Variants in DDR1 observed in about 807,000 individuals in gnomAD.
The protein encoded by DDR1 is epithelial discoidin domain-containing receptor 1.
Under a neutral mutation model 97.4 loss-of-function variants are expected in DDR1, and 64 were observed. The observed-to-expected ratio is 0.66, with a 90% CI of 0.54 to 0.81. The LOEUF (loss-of-function observed/expected upper bound fraction) is 0.81, where lower values mean the gene tolerates loss of function less well. DDR1 is among the 30% of genes least tolerant of loss of function. The probability of loss-of-function intolerance (pLI) is 0.00; values close to 1 mark genes in which losing one functional copy is unlikely to be tolerated. For synonymous variants in DDR1, 458 were observed against 503.7 expected, an observed-to-expected ratio of 0.91 and a Z score of 1.21; for missense variants, 990 against 1,259.6, an observed-to-expected ratio of 0.79 and a Z score of 3.24.
chr6:30,892,974 C>G, intron 8 of DDR1, 94 bp from the exon 9 acceptor site: 1 of 1,110,270 alleles, frequency 9.0e-7, no homozygotes. Context: ...ATCACCCATG[C>G]TTCTGCTCCT....
rs1157260135 is a variant in DDR1 at position 30,899,461 on chromosome 6, T to A, written c.*165T>A. 2.5e-6 allele frequency: 2 copies of A among 798,096 alleles called. No individual in the cohort carries two copies. Among genetic ancestry groups the A allele is most frequent in the Non-Finnish European group, 3.8e-6 (2 of 520,916 alleles). The allele number at this position is 798,096 out of a possible 1,614,324, so 49.4% of individuals were successfully genotyped here. A position where few individuals can be genotyped will look rare whatever the true frequency, so the allele number is the denominator to read the frequency against. ...GGGCTGGGCCCACCCAGGGAGCTGA[T>A]GCCCCTTCTCCCCTTCCTGGACACA... On this transcript the variant is annotated 3_prime_UTR_variant, in exon 18 of 18. Coordinates refer to ENST00000376568, the MANE Select transcript of DDR1 (RefSeq NM_001297654.2).
rs1197872985 is a variant in DDR1, at chr6:30,889,198, T to A, written c.189-4T>A. On this transcript the variant is annotated splice_polypyrimidine_tract_variant and splice_region_variant and intron_variant, in intron 3 of 17. Coordinates refer to ENST00000376568, the MANE Select transcript of DDR1 (RefSeq NM_001297654.2). The surrounding 1 kb of genome is among the most constrained non-coding windows in gnomAD (Gnocchi z 4.9). ...ATGTTCTCTGTGCCCCTCTTCACCCTCAGGTTGGAGAGCAGTGACGGGGAT... is the reference window on the plus strand; with the variant it reads ...ATGTTCTCTGTGCCCCTCTTCACCCACAGGTTGGAGAGCAGTGACGGGGAT... The A allele has an allele frequency of 1.9e-6, 3 of 1,612,946 alleles. No individual in the cohort carries two copies. Among genetic ancestry groups the A allele is most frequent in the Non-Finnish European group, 2.5e-6 (3 of 1,179,956 alleles).
chr6:30,895,542 C>A, intron 12 of DDR1, 28 bp downstream of exon 12: 2 of 1,439,488 alleles, frequency 1.4e-6, no homozygotes, highest in South Asian at 1.2e-5. Flanking sequence ...TGGGCTCCGC[C>A]AGGCTCCCCA....
Position 30,891,532 on chromosome 6 carries a change from TGTGTGTGTGTGTGTGTGTGTGTGTGAGA to T in DDR1, c.665+66_665+93del. The T allele has an allele frequency of 1.3e-6, 1 of 785,296 alleles. No individual in the cohort carries two copies. 48.6% of individuals were successfully genotyped at this position (785,296 alleles called of 1,614,324 possible). On this transcript the variant is annotated intron_variant, in intron 6 of 17. Coordinates refer to ENST00000376568, the MANE Select transcript of DDR1 (RefSeq NM_001297654.2). The surrounding 1 kb of genome is among the most constrained non-coding windows in gnomAD (Gnocchi z 5.3). ...GTTTGGGGTGGGAGGGAGGACTGTG[TGTGTGTGTGTGTGTGTGTGTGTGTGAGA>T]GTGTGTGTGTGTAGGGGGGCTGGTA...
Position 30,890,695 on chromosome 6 carries a change from G to C in DDR1, c.418-278G>C, listed in dbSNP as rs1420884515. On this transcript the variant is annotated intron_variant, in intron 4 of 17. Coordinates refer to ENST00000376568, the MANE Select transcript of DDR1 (RefSeq NM_001297654.2). This position sits in a 1 kb window ranked among gnomAD's most constrained non-coding sequence, Gnocchi z 5.0. ...AGAATCTGGGCACAATGGGATGATA[G>C]GCTTGGAGACAAATGGATGGAGCCA... The C allele has an allele frequency of 2.8e-5, 12 of 433,164 alleles. No individual in the cohort carries two copies. Among genetic ancestry groups the C allele is most frequent in the Non-Finnish European group, 4.4e-5 (11 of 247,702 alleles). The allele number at this position is 433,164 out of a possible 1,614,324, so 26.8% of individuals were successfully genotyped here. A position where few individuals can be genotyped will look rare whatever the true frequency, so the allele number is the denominator to read the frequency against.
rs762059088 is a variant in DDR1 at position 30,892,465 on chromosome 6, G to A, written c.1022G>A (p.Arg341His). The change falls in exon 8 of 18, where the codon CGT (arginine) becomes CAT (histidine). Residue 341 changes from arginine (R) to histidine (H), a missense_variant. Arg to His is a conservative substitution (Grantham distance 29). Coordinates refer to ENST00000376568, the MANE Select transcript of DDR1 (RefSeq NM_001297654.2). Reference protein sequence around the residue: ...ARAVSVPLGGRVARFLQCRFL... With the variant: ...ARAVSVPLGGHVARFLQCRFL... ...GCTGTCTCAGTGCCCCTTGGCGGCCGTGTGGCTCGCTTTCTGCAGTGCCGC... is the reference window on the plus strand; with the variant it reads ...GCTGTCTCAGTGCCCCTTGGCGGCCATGTGGCTCGCTTTCTGCAGTGCCGC... 70 of 1,609,910 alleles carry A rather than the reference G, an allele frequency of 4.3e-5. No homozygotes were observed. Among genetic ancestry groups the A allele is most frequent in the East Asian group, 6.7e-5 (3 of 44,886 alleles).
Position 30,891,910 on chromosome 6 carries a change from G to T in DDR1, c.666-92G>T, listed in dbSNP as rs990515932. On this transcript the variant is annotated intron_variant, in intron 6 of 17. Transcript: ENST00000376568. This position sits in a 1 kb window ranked among gnomAD's most constrained non-coding sequence, Gnocchi z 5.3. ...AGTGGATGGGAGCCAGGCTGGCCAT[G>T]CCACTGTGCCGGAGGGTGGCGGAGC... 7.1e-7 allele frequency: 1 copy of T among 1,414,172 alleles called. No individual in the cohort carries two copies. The highest frequency in any genetic ancestry group is 9.9e-7 in the Non-Finnish European group (1 of 1,013,664). 87.6% of individuals were successfully genotyped at this position (1,414,172 alleles called of 1,614,324 possible).
chr6:30,894,659 C>T lies in DDR1; in HGVS notation c.1501C>T (p.Pro501Ser), dbSNP rs1790023739. The T allele has an allele frequency of 6.2e-7, 1 of 1,603,310 alleles. No homozygotes were observed. The highest frequency in any genetic ancestry group is 8.5e-7 in the Non-Finnish European group (1 of 1,174,232). ...GNPPHSAPCV[P>S]NGSALLLSNP... The stretch of plus-strand genomic sequence containing the variant: ...TCCGCCCCACTCCGCTCCCTGTGTC[C>T]CCAATGGCTCTGGTAAGACCTGCCT... The change falls in exon 11 of 18, where the codon CCC (proline) becomes TCC (serine). Residue 501 changes from proline (P) to serine (S), a missense_variant. By Grantham distance (74) the Pro-to-Ser change is moderately conservative. Transcript: ENST00000376568. This position sits in a 1 kb window ranked among gnomAD's most constrained non-coding sequence, Gnocchi z 5.7.
rs539377393 is a variant in DDR1 at position 30,894,626 on chromosome 6, C to T, written c.1468C>T (p.Arg490Cys). ...EPPPYQEPRP[R>C]GNPPHSAPCV... ...ACCCCCGTACCAGGAGCCCCGGCCT[C>T]GTGGGAATCCGCCCCACTCCGCTCC... The change falls in exon 11 of 18, where the codon CGT (arginine) becomes TGT (cysteine). Residue 490 changes from arginine to cysteine, a missense_variant. Arg to Cys is a radical substitution (Grantham distance 180, BLOSUM62 -3). Coordinates refer to ENST00000376568, the MANE Select transcript of DDR1 (RefSeq NM_001297654.2). The surrounding 1 kb of genome is among the most constrained non-coding windows in gnomAD (Gnocchi z 5.7). The T allele has an allele frequency of 6.1e-5, 99 of 1,612,148 alleles. No individual in the cohort carries two copies. The highest frequency in any genetic ancestry group is 5.2e-4 in the South Asian group (47 of 90,690).
chr6:30,885,265 G>A, intron 1 of DDR1: 1 of 1,531,488 alleles, frequency 6.5e-7, no homozygotes, highest in Non-Finnish European at 8.7e-7. Context: ...ACCCCCCCAT[G>A]CCTGGCTCTT....
chr6:30,885,959 G>T (rs1395979465), intron 1 of DDR1: 1 of 544,620 alleles, frequency 1.8e-6, no homozygotes, highest in Admixed American at 2.4e-5. Context: ...GGAGTGGAAG[G>T]GGGTGGGATT....
At position 30,894,101 on chromosome 6, in the gene DDR1, T is replaced by C. The variant is rs910313072; in HGVS notation, c.1348-405T>C. On this transcript the variant is annotated intron_variant, in intron 10 of 17. Coordinates refer to ENST00000376568, the MANE Select transcript of DDR1 (RefSeq NM_001297654.2). The surrounding 1 kb of genome is among the most constrained non-coding windows in gnomAD (Gnocchi z 5.7). Reference sequence around the variant, plus strand: ...CCCATCTCTACTAAGAATACAAAATTAGCCAGGCATGGTGGCTGATGCCTG... The same window carrying C: ...CCCATCTCTACTAAGAATACAAAATCAGCCAGGCATGGTGGCTGATGCCTG... Among the ~76,000 whole-genome samples the C allele has an allele frequency of 6.6e-6, 1 of 152,036 alleles. No individual in the cohort carries two copies. Among genetic ancestry groups the C allele is most frequent in the Non-Finnish European group, 1.5e-5 (1 of 68,004 alleles).
In DDR1 at chr6:30,894,794, C is replaced by A; in HGVS notation, c.1513+123C>A. ...CCACTTGTTTTCTTCTTTCTGTGCC[C>A]CTGGTTACTGTCTATATCACTCTTT... On this transcript the variant is annotated intron_variant, in intron 11 of 17. Coordinates refer to ENST00000376568, the MANE Select transcript of DDR1 (RefSeq NM_001297654.2). This position sits in a 1 kb window ranked among gnomAD's most constrained non-coding sequence, Gnocchi z 5.7. The A allele has an allele frequency of 9.0e-7, 1 of 1,113,090 alleles. No homozygotes were observed. Among genetic ancestry groups the A allele is most frequent in the Non-Finnish European group, 1.2e-6 (1 of 802,694 alleles). 69.0% of individuals were successfully genotyped at this position (1,113,090 alleles called of 1,614,324 possible). A position where few individuals can be genotyped will look rare whatever the true frequency, so the allele number is the denominator to read the frequency against.
Position 30,898,318 on chromosome 6 carries a change from C to T in DDR1, c.2451+11C>T, listed in dbSNP as rs779460346. 41 of 1,600,908 alleles carry T rather than the reference C, an allele frequency of 2.6e-5. No individual in the cohort carries two copies. The highest frequency in any genetic ancestry group is 6.8e-5 in the East Asian group (3 of 44,442). On this transcript the variant is annotated intron_variant, in intron 16 of 17. Coordinates refer to ENST00000376568, the MANE Select transcript of DDR1 (RefSeq NM_001297654.2). Reference sequence around the variant, plus strand: ...GAGTGCATCCTCATGGTGAGCAGCCCGAGGACAGCCAGGTTGGAGCAGGGC... The same window carrying T: ...GAGTGCATCCTCATGGTGAGCAGCCTGAGGACAGCCAGGTTGGAGCAGGGC...
intron 17 of DDR1, 51 bp from the exon 18 acceptor site, chr6:30,899,105 A>G: frequency 6.2e-7 from 1 of 1,614,134 alleles, no homozygotes; most frequent in African/African-American, 1.3e-5. Context: ...GTCATCTTGG[A>G]GACTAAAGAA....
In DDR1 at chr6:30,897,505, C is replaced by T. The variant is rs976508321; in HGVS notation, c.2124C>T (p.Asp708=). Residue 708 remains aspartate (D), a synonymous_variant, in exon 15 of 18, where the codon GAC becomes GAT. Transcript: ENST00000376568. The surrounding 1 kb of genome is among the most constrained non-coding windows in gnomAD (Gnocchi z 5.2). ...CMITDYMENG[D]LNQFLSAHQL... ...TTACTGACTACATGGAGAACGGCGA[C>T]CTCAACCAGTTCCTCAGTGCCCACC... 2 of 1,614,148 alleles carry T rather than the reference C, an allele frequency of 1.2e-6. No homozygotes were observed. The highest frequency in any genetic ancestry group is 1.7e-6 in the Non-Finnish European group (2 of 1,180,018).
At position 30,894,047 on chromosome 6, in the gene DDR1, C is replaced by T. The variant is rs1374333550; in HGVS notation, c.1348-459C>T. Among the ~76,000 whole-genome samples, 3 of 151,980 alleles carry T rather than the reference C, an allele frequency of 2.0e-5. No individual in the cohort carries two copies. Among genetic ancestry groups the T allele is most frequent in the Non-Finnish European group, 4.4e-5 (3 of 68,004 alleles). ...GGAGGATCACCTGAGGTCAAGAGTT[C>T]GAGACCAGCCTGACCAACATGGTGA... On this transcript the variant is annotated intron_variant, in intron 10 of 17. Transcript: ENST00000376568. This position sits in a 1 kb window ranked among gnomAD's most constrained non-coding sequence, Gnocchi z 5.7.
chr6:30,898,033 G>A (rs752506282), intron 15 of DDR1, 40 bp from the exon 16 acceptor site: 7 of 1,520,384 alleles, frequency 4.6e-6, no homozygotes, highest in South Asian at 2.3e-5. Context: ...GGGAATCTGC[G>A]AAGCTGCCCC....
chr6:30,897,216 T>C lies in DDR1; in HGVS notation c.1997+75T>C. The C allele has an allele frequency of 3.8e-6, 6 of 1,568,616 alleles. No homozygotes were observed. The highest frequency in any genetic ancestry group is 5.2e-6 in the Non-Finnish European group (6 of 1,160,840). On this transcript the variant is annotated intron_variant, in intron 14 of 17. Coordinates refer to ENST00000376568, the MANE Select transcript of DDR1 (RefSeq NM_001297654.2). This position sits in a 1 kb window ranked among gnomAD's most constrained non-coding sequence, Gnocchi z 5.2. ...GTGGGGAGCCATCTAGAGAGAACAA[T>C]GGCAGAGCCCAACAGAGGGGTGGCA...
Sources: gnomAD v4.1 joint callset for allele counts (sites outside exome capture counted in the v4.1 genomes callset) on GRCh38, gnomAD v4.1.1 for gene constraint, Gnocchi (gnomAD v3.1) non-coding constraint, MANE v1.5 for transcripts, NCBI Gene and HGNC (gene_info 2026-07-23, HGNC 2026-07-21) for gene names.